The following GRID2 variants were observed in gnomAD, a reference collection of about 807,000 sequenced individuals.
The protein encoded by GRID2 is glutamate ionotropic receptor delta type subunit 2.
A neutral mutation model predicts 114.8 loss-of-function variants in GRID2; 33 were observed. The observed-to-expected ratio is 0.29, with a 90% CI of 0.22 to 0.38. GRID2 has a LOEUF of 0.38. Among genes scored for constraint, GRID2 ranks in the 10% least tolerant of loss-of-function variants. GRID2 has a pLI of 1.00. For missense variants in GRID2, 1,184 were observed against 1,257.7 expected, an observed-to-expected ratio of 0.94 and a Z score of 0.89; for synonymous variants, 505 against 449.9, an observed-to-expected ratio of 1.12 and a Z score of -1.55.
Position 92,822,767 on chromosome 4 carries a change from G to T in GRID2, c.244+232481G>T, listed in dbSNP as rs563036123. The T allele has an allele frequency of 2.1e-4, 34 of 159,086 alleles. No homozygotes were observed. In the South Asian group the frequency reaches 5.9e-3, roughly 28 times the overall value. 9.9% of individuals were successfully genotyped at this position (159,086 alleles called of 1,614,324 possible). ...AATGACCCTCCAGGGCATGCTGTGGGATGCCATAGTTGGTTTCGTCCCTGT... is the reference window on the plus strand; with the variant it reads ...AATGACCCTCCAGGGCATGCTGTGGTATGCCATAGTTGGTTTCGTCCCTGT... On this transcript the variant is annotated intron_variant, in intron 2 of 15. Coordinates refer to ENST00000282020, the MANE Select transcript of GRID2 (RefSeq NM_001510.4).
At chr4:93,478,652 A>G (rs980409257) in intron 11 of GRID2, among the ~76,000 whole-genome samples, 1 of 151,828 alleles carries the variant, frequency 6.6e-6, no homozygotes, top group Non-Finnish European at 1.5e-5. Context: ...AATGTTAAGT[A>G]TAAACATTTT....
At chr4:93,142,120 A>G (rs1374657476) in intron 4 of GRID2, among the ~76,000 whole-genome samples, 2 of 152,138 alleles carry the variant, frequency 1.3e-5, no homozygotes, top group African/African-American at 2.4e-5. Flanking sequence ...AGGCTGAGGC[A>G]TGAGGATGGC....
At chr4:92,452,449 C>T (rs1720975716) in intron 1 of GRID2, among the ~76,000 whole-genome samples, 1 of 151,810 alleles carries the variant, frequency 6.6e-6, no homozygotes. Flanking sequence ...TCCTGAGTAG[C>T]TGGGATTACA....
rs561543530 is a variant in GRID2, at chr4:92,853,858, G to T, written c.245-231137G>T. On this transcript the variant is annotated intron_variant, in intron 2 of 15. Coordinates refer to ENST00000282020, the MANE Select transcript of GRID2 (RefSeq NM_001510.4). Reference sequence around the variant, plus strand: ...ACTTCTAGAGGTTGGAGGGAGGGTTGAGGGAAAGGGTTGAAAAACTACACA... The same window carrying T: ...ACTTCTAGAGGTTGGAGGGAGGGTTTAGGGAAAGGGTTGAAAAACTACACA... 5.9e-5 allele frequency among the ~76,000 whole-genome samples: 9 copies of T among 151,996 alleles called. 1 individual carries two copies. The highest frequency in any genetic ancestry group is 2.2e-4 in the African/African-American group (9 of 41,520).
intron 14 of GRID2, among the ~76,000 whole-genome samples, chr4:93,700,535 A>G (rs1169148757): frequency 6.6e-6 from 1 of 152,166 alleles, no homozygotes; most frequent in Non-Finnish European, 1.5e-5. Flanking sequence ...TTCAGGGTAT[A>G]TTAACAATGT....
intron 8 of GRID2, among the ~76,000 whole-genome samples, chr4:93,295,316 A>T (rs2149156570): frequency 6.6e-6 from 1 of 152,340 alleles, no homozygotes; most frequent in East Asian, 1.9e-4. Flanking sequence ...AAATATGAAG[A>T]TAAAAGAGTA....
intron 7 of GRID2, among the ~76,000 whole-genome samples, chr4:93,236,653 C>T (rs1746834511): frequency 6.6e-6 from 1 of 151,866 alleles, no homozygotes; most frequent in African/African-American, 2.4e-5. Flanking sequence ...GAAATTAGAC[C>T]AACCTTCACC....
intron 4 of GRID2, among the ~76,000 whole-genome samples, chr4:93,163,383 TATATATATATATATATAC>T (rs1174705401): frequency 2.4e-4 from 11 of 44,966 alleles, no homozygotes; most frequent in Admixed American, 3.9e-4. Flanking sequence ...TATATATATA[TATATATATATATATATAC>T]ACTATATATA....
chr4:92,991,011 G>A (rs1467777130), intron 2 of GRID2, among the ~76,000 whole-genome samples: 3 of 152,090 alleles, frequency 2.0e-5, no homozygotes, highest in African/African-American at 7.2e-5. Flanking sequence ...TTGAATGTCA[G>A]CTCAATATGC....
intron 2 of GRID2, among the ~76,000 whole-genome samples, chr4:92,632,960 C>A (rs1489744645): frequency 6.6e-6 from 1 of 152,062 alleles, no homozygotes; most frequent in Non-Finnish European, 1.5e-5. Flanking sequence ...TGCCAAGATA[C>A]AATGGGAAAA....
chr4:93,809,042 T>C (rs1340143421), exon 2 of GRID2: 1 of 152,228 alleles, frequency 6.6e-6, no homozygotes, highest in Non-Finnish European at 1.5e-5. Flanking sequence ...CTTACTTCTC[T>C]GATTTTTGAT....
intron 1 of GRID2, among the ~76,000 whole-genome samples, chr4:92,344,043 T>G (rs912213199): frequency 6.6e-6 from 1 of 152,200 alleles, no homozygotes; most frequent in Middle Eastern, 3.2e-3. Context: ...GGTCTTGCTG[T>G]CTCAGAGGTG....
At chr4:92,421,311 C>T (rs1731896692) in intron 1 of GRID2, among the ~76,000 whole-genome samples, 1 of 151,984 alleles carries the variant, frequency 6.6e-6, no homozygotes. Context: ...GAATTCAGTA[C>T]AGTGGAACAA....
At chr4:93,028,303 G>A (rs925544311) in intron 2 of GRID2, among the ~76,000 whole-genome samples, 1 of 152,084 alleles carries the variant, frequency 6.6e-6, no homozygotes, top group African/African-American at 2.4e-5. Flanking sequence ...ACAGTAACTT[G>A]AATGAATTGA....
At chr4:93,380,120 A>G (rs1579887960) in intron 8 of GRID2, among the ~76,000 whole-genome samples, 2 of 152,266 alleles carry the variant, frequency 1.3e-5, no homozygotes, top group South Asian at 4.1e-4. Context: ...ATATAATTGT[A>G]AAGAATTTCA....
chr4:92,968,557 G>A (rs551666018), intron 2 of GRID2, among the ~76,000 whole-genome samples: 2 of 151,952 alleles, frequency 1.3e-5, no homozygotes, highest in South Asian at 4.1e-4. Flanking sequence ...TACATCTCAT[G>A]TTTCTCAGTA....
chr4:92,641,749 T>C (rs747174687), intron 2 of GRID2, among the ~76,000 whole-genome samples: 5 of 151,694 alleles, frequency 3.3e-5, no homozygotes, highest in Non-Finnish European at 7.4e-5. Context: ...GTAGTGAGTA[T>C]AGTACCCAAT....
intron 3 of GRID2, among the ~76,000 whole-genome samples, chr4:93,090,089 T>C (rs1730650076): frequency 1.3e-5 from 2 of 152,154 alleles, no homozygotes. Context: ...TTCTACAACG[T>C]TGTTGGCTAA....
chr4:92,965,450 TAAAAAAAAAAAAAAAAA>T (rs869285420), intron 2 of GRID2, among the ~76,000 whole-genome samples: 6,279 of 85,634 alleles, frequency 0.073, 285 homozygotes, highest in Middle Eastern at 0.12. Context: ...ATTCAATTTG[TAAAAAAAAAAAAAAAAA>T]AAAAAAAAAA....
Sources: gnomAD v4.1 joint callset for allele counts (sites outside exome capture counted in the v4.1 genomes callset) on GRCh38, gnomAD v4.1.1 for gene constraint, MANE v1.5 for transcripts, NCBI Gene and HGNC (gene_info 2026-07-23, HGNC 2026-07-21) for gene names.